The following SCYL2 variants were observed in gnomAD, a reference collection of about 807,000 sequenced individuals.
SCYL2 encodes the protein SCY1 like pseudokinase 2.
Under a neutral mutation model 100.4 loss-of-function variants are expected in SCYL2, and 36 were observed. The observed-to-expected ratio is 0.36, with a 90% CI of 0.27 to 0.47. The LOEUF is 0.47. Among genes scored for constraint, SCYL2 ranks in the 20% least tolerant of loss-of-function variants. The probability of loss-of-function intolerance (pLI) is 1.00; values close to 1 mark genes in which losing one functional copy is unlikely to be tolerated. For missense variants in SCYL2, 902 were observed against 1,083.9 expected (o/e 0.83, Z 2.36); for synonymous variants, 330 against 359.2 (o/e 0.92, Z 0.92).
Position 100,283,406 on chromosome 12 carries a change from T to C in SCYL2, c.177+259T>C, listed in dbSNP as rs560190464. Among the ~76,000 whole-genome samples the C allele has an allele frequency of 6.6e-5, 10 of 152,344 alleles. No individual in the cohort carries two copies. In the South Asian group the frequency reaches 1.0e-3, roughly 16 times the overall value. On this transcript the variant is annotated intron_variant, in intron 2 of 17. Coordinates refer to ENST00000360820, the MANE Select transcript of SCYL2 (RefSeq NM_017988.6). ...TAATTTTGCTTACTTAATAAACATGTCAGTTGAGCAAACGAGTATATTAGA... is the reference window on the plus strand; with the variant it reads ...TAATTTTGCTTACTTAATAAACATGCCAGTTGAGCAAACGAGTATATTAGA...
Position 100,308,134 on chromosome 12 carries a change from C to T in SCYL2, c.481-2910C>T, listed in dbSNP as rs1257344391. Among the ~76,000 whole-genome samples, 3 of 152,124 alleles carry T rather than the reference C, an allele frequency of 2.0e-5. No individual in the cohort carries two copies. In the East Asian group the frequency reaches 5.8e-4, roughly 29 times the overall value. On this transcript the variant is annotated intron_variant, in intron 4 of 17. Coordinates refer to ENST00000360820, the MANE Select transcript of SCYL2 (RefSeq NM_017988.6). ...ACCATTTGACCCAGCAATCTCATTA[C>T]TGGGTATATATCCAAAGGATTATAA...
rs2096279998 is a variant in SCYL2 at position 100,267,590 on chromosome 12, C to T, written c.-231C>T. The T allele has an allele frequency of 6.6e-6, 1 of 152,624 alleles. No individual in the cohort carries two copies. The highest frequency in any genetic ancestry group is 1.5e-5 in the Non-Finnish European group (1 of 68,308). The allele number at this position is 152,624 out of a possible 1,614,324, so 9.5% of individuals were successfully genotyped here. A position where few individuals can be genotyped will look rare whatever the true frequency, so the allele number is the denominator to read the frequency against. ...GGGCGATCGGCGGTCGGCGCCCGCG[C>T]AAAGCGGGGCTGGACGAGCAGCGAG... is the stretch of plus-strand genomic sequence containing the variant. On this transcript the variant is annotated 5_prime_UTR_variant, in exon 1 of 18. Coordinates refer to ENST00000360820, the MANE Select transcript of SCYL2 (RefSeq NM_017988.6).
At chr12:100,278,070 C>T (rs1183201852) in intron 1 of SCYL2, among the ~76,000 whole-genome samples, 2 of 152,068 alleles carry the variant, frequency 1.3e-5, no homozygotes, top group Non-Finnish European at 2.9e-5. Context: ...AAACACAATA[C>T]ATTTTTATTA....
intron 3 of SCYL2, among the ~76,000 whole-genome samples, chr12:100,293,830 A>G (rs1186547506): frequency 6.6e-6 from 1 of 152,112 alleles, no homozygotes; most frequent in Non-Finnish European, 1.5e-5. Flanking sequence ...TGTTTCAGAG[A>G]GCACAGGGTT....
In SCYL2 at chr12:100,338,744, G is replaced by A. The variant is rs768181517; in HGVS notation, c.2362G>A (p.Val788Ile). Residue 788 changes from valine to isoleucine, a missense_variant, in exon 18 of 18, where the codon GTT becomes ATT. Coordinates refer to ENST00000360820, the MANE Select transcript of SCYL2 (RefSeq NM_017988.6). ...GFQTSGFNMP[V>I]NTNQNFYSSP... ...TCAGACTTCAGGATTCAACATGCCC[G>A]TTAATACAAACCAGAACTTCTACAG... The A allele has an allele frequency of 9.9e-6, 16 of 1,613,984 alleles. No individual in the cohort carries two copies. Among genetic ancestry groups the A allele is most frequent in the African/African-American group, 2.7e-5 (2 of 74,914 alleles).
At chr12:100,282,280 C>G (rs2096299526) in intron 1 of SCYL2, among the ~76,000 whole-genome samples, 1 of 137,268 alleles carries the variant, frequency 7.3e-6, no homozygotes, top group African/African-American at 2.7e-5. Flanking sequence ...CTGCCTCAGC[C>G]TCCCAAACCC....
intron 1 of SCYL2, among the ~76,000 whole-genome samples, chr12:100,281,034 T>G (rs1028190983): frequency 1.1e-4 from 15 of 135,640 alleles, no homozygotes; most frequent in South Asian, 2.6e-4. Flanking sequence ...TTTTTTTTTT[T>G]TTTTTTTTTT....
At chr12:100,288,007 T>C (rs142813361) in intron 2 of SCYL2, among the ~76,000 whole-genome samples, 17 of 152,282 alleles carry the variant, frequency 1.1e-4, no homozygotes, top group African/African-American at 3.8e-4. Flanking sequence ...GACTGGACTT[T>C]TGCATAAATG....
intron 3 of SCYL2, among the ~76,000 whole-genome samples, chr12:100,296,156 A>G (rs2096320183): frequency 6.6e-6 from 1 of 152,234 alleles, no homozygotes; most frequent in Non-Finnish European, 1.5e-5. Context: ...ATGAAGAGAG[A>G]CAATTCAAAG....
intron 3 of SCYL2, among the ~76,000 whole-genome samples, chr12:100,292,361 G>A (rs180679111): frequency 6.6e-6 from 1 of 152,126 alleles, no homozygotes; most frequent in Admixed American, 6.6e-5. Context: ...TGGTATTTGT[G>A]TCCTGTGGCC....
At chr12:100,323,030 G>GAA (rs755343482) in intron 10 of SCYL2, among the ~76,000 whole-genome samples, 18 of 56,762 alleles carry the variant, frequency 3.2e-4, no homozygotes, top group Non-Finnish European at 4.1e-4. Context: ...CCTGTCTCAA[G>GAA]AAAAAAAAAA....
chr12:100,289,317 C>T (rs1231160427), intron 2 of SCYL2, among the ~76,000 whole-genome samples: 1 of 152,052 alleles, frequency 6.6e-6, no homozygotes, highest in African/African-American at 2.4e-5. Context: ...ATTTCTGGGG[C>T]GACAGAATGA....
intron 11 of SCYL2, 43 bp downstream of exon 11, chr12:100,323,681 C>A: frequency 9.8e-7 from 1 of 1,019,294 alleles, no homozygotes; most frequent in African/African-American, 1.6e-5. Context: ...TTTCACTTGT[C>A]AGTGCTTTAA....
intron 10 of SCYL2, among the ~76,000 whole-genome samples, chr12:100,321,846 C>G (rs1390573557): frequency 6.6e-6 from 1 of 151,858 alleles, no homozygotes; most frequent in Non-Finnish European, 1.5e-5. Flanking sequence ...AGTTTGAGAC[C>G]TGCCTGGGCA....
chr12:100,312,220 A>T (rs989213116), intron 5 of SCYL2, among the ~76,000 whole-genome samples: 2 of 152,212 alleles, frequency 1.3e-5, no homozygotes, highest in Admixed American at 1.3e-4. Context: ...GTCTTCCGGA[A>T]GAGACTCCAG....
chr12:100,288,625 C>G (rs1157452455), intron 2 of SCYL2, among the ~76,000 whole-genome samples: 1 of 151,866 alleles, frequency 6.6e-6, no homozygotes, highest in Non-Finnish European at 1.5e-5. Context: ...TGCTTGAGTC[C>G]AAGAGTTTGA....
chr12:100,313,294 A>G (rs2096344440), intron 6 of SCYL2, 128 bp from the exon 7 acceptor site: 1 of 459,722 alleles, frequency 2.2e-6, no homozygotes, highest in African/African-American at 2.0e-5. Flanking sequence ...AATAGAATTA[A>G]CAGTGTGTTT....
In SCYL2 at chr12:100,312,443, T is replaced by G. The variant is rs1592955044; in HGVS notation, c.642T>G (p.Pro214=). ...TTTTCTTACTACAGCCTAAATTTCC[T>G]TGTAAAGAATGGGACCCAAATTTAC... ...TNPSEQEPKF[P]CKEWDPNLPS... is the part of the protein sequence containing the mutation. The change falls in exon 6 of 18, where the codon CCT becomes CCG. Residue 214 remains proline (P), a synonymous_variant. Coordinates refer to ENST00000360820, the MANE Select transcript of SCYL2 (RefSeq NM_017988.6). 2 of 1,611,690 alleles carry G rather than the reference T, an allele frequency of 1.2e-6. No homozygotes were observed. Among genetic ancestry groups the G allele is most frequent in the East Asian group, 2.2e-5 (1 of 44,820 alleles).
At chr12:100,286,965 A>C (rs898317180) in intron 2 of SCYL2, among the ~76,000 whole-genome samples, 7 of 152,086 alleles carry the variant, frequency 4.6e-5, no homozygotes, top group African/African-American at 1.7e-4. Flanking sequence ...TATAAATAAA[A>C]GTTTATATTT....
Sources: allele counts gnomAD v4.1 joint callset (sites outside exome capture counted in the v4.1 genomes callset), GRCh38; gene constraint gnomAD v4.1.1; transcripts MANE v1.5; gene names NCBI Gene and HGNC (gene_info 2026-07-23, HGNC 2026-07-21).